Variants in SIM2 observed in about 807,000 individuals in gnomAD.
SIM2 encodes the protein single-minded homolog 2.
SIM2 carries 28 observed loss-of-function variants against 64.8 expected under a neutral mutation model. That is an observed-to-expected ratio of 0.43 (90% CI 0.32 to 0.59). The LOEUF is 0.59. Ranked by LOEUF, SIM2 falls within the 20% of genes least tolerant of loss-of-function variation. The probability of loss-of-function intolerance (pLI) is 0.07; values close to 1 mark genes in which losing one functional copy is unlikely to be tolerated. For missense variants in SIM2, 847 were observed against 871.4 expected (o/e 0.97, Z 0.35); for synonymous variants, 408 against 391.1 (o/e 1.04, Z -0.51).
At chr21:36,705,179 G>A (rs1212175852) in intron 1 of SIM2, among the ~76,000 whole-genome samples, 1 of 152,218 alleles carries the variant, frequency 6.6e-6, no homozygotes, top group Non-Finnish European at 1.5e-5. Flanking sequence ...TAAACGCCGA[G>A]GTCGGGGGTG....
Position 36,749,350 on chromosome 21 carries a change from C to T in SIM2, c.*1258C>T, listed in dbSNP as rs1202467223. 6.6e-6 allele frequency: 1 copy of T among 152,360 alleles called. No individual in the cohort carries two copies. The allele number at this position is 152,360 out of a possible 1,614,324, so 9.4% of individuals were successfully genotyped here. On this transcript the variant is annotated 3_prime_UTR_variant, in exon 11 of 11. Coordinates refer to ENST00000290399, the MANE Select transcript of SIM2 (RefSeq NM_005069.6). ...AATGGTTTATTTTAGGAAACTTTTT[C>T]CACCTTTCTGAATGGAAAGAGGTTT...
chr21:36,705,495 G>C (rs1219185465), intron 1 of SIM2, among the ~76,000 whole-genome samples: 1 of 152,248 alleles, frequency 6.6e-6, no homozygotes. Flanking sequence ...GCCAGAGAGG[G>C]AGGCACAAAG....
chr21:36,731,132 C>T lies in SIM2; in HGVS notation c.831C>T (p.Leu277=). Residue 277 remains leucine (L), a synonymous_variant, in exon 7 of 11, where the codon CTC becomes CTT. Transcript: ENST00000290399. Reference sequence around the variant, plus strand: ...TGCACGGCTGCGACGTGTTCCACCTCCGCTACGCACACCACCTCCGTGAGT... The same window carrying T: ...TGCACGGCTGCGACGTGTTCCACCTTCGCTACGCACACCACCTCCGTGAGT... ...HHVHGCDVFH[L]RYAHHLLLVK... 6.2e-7 allele frequency: 1 copy of T among 1,613,866 alleles called. No individual in the cohort carries two copies. Among genetic ancestry groups the T allele is most frequent in the Admixed American group, 1.7e-5 (1 of 60,028 alleles).
intron 1 of SIM2, among the ~76,000 whole-genome samples, chr21:36,708,965 C>T: frequency 6.6e-6 from 1 of 152,072 alleles, no homozygotes; most frequent in East Asian, 1.9e-4. Context: ...GGGATTTCTC[C>T]CCCAGCCTTT....
intron 1 of SIM2, 112 bp downstream of exon 1, chr21:36,700,033 C>A: frequency 1.7e-6 from 2 of 1,152,342 alleles, no homozygotes; most frequent in African/African-American, 1.6e-5. Flanking sequence ...GCGTCCAGAG[C>A]TGGGGCGTCT....
At chr21:36,736,346 G>A (rs1732255000) in intron 7 of SIM2, among the ~76,000 whole-genome samples, 1 of 152,154 alleles carries the variant, frequency 6.6e-6, no homozygotes, top group Admixed American at 6.5e-5. Flanking sequence ...GAACCTCTGG[G>A]GTCAGTGCCA....
At chr21:36,719,279 C>T (rs982453045) in intron 3 of SIM2, among the ~76,000 whole-genome samples, 8 of 152,388 alleles carry the variant, frequency 5.2e-5, no homozygotes, top group Admixed American at 2.0e-4. Flanking sequence ...TCAGAGTCGA[C>T]GAAGAAAGGG....
intron 6 of SIM2, among the ~76,000 whole-genome samples, chr21:36,730,694 G>A (rs1360766730): frequency 1.3e-5 from 2 of 152,196 alleles, no homozygotes; most frequent in East Asian, 3.8e-4. Context: ...CCCTCCAAGA[G>A]TGGGTTCTTT....
At chr21:36,728,256 G>A (rs374451111) in intron 6 of SIM2, among the ~76,000 whole-genome samples, 47 of 152,262 alleles carry the variant, frequency 3.1e-4, no homozygotes, top group Admixed American at 2.4e-3. Flanking sequence ...CCCTTGTTTC[G>A]TCTCCTAGTT....
intron 8 of SIM2, 55 bp from the exon 9 acceptor site, chr21:36,743,332 G>T: frequency 6.5e-7 from 1 of 1,529,878 alleles, no homozygotes; most frequent in Non-Finnish European, 8.8e-7. Context: ...GGCCAGGGAA[G>T]CTGCTCGGCC....
intron 1 of SIM2, among the ~76,000 whole-genome samples, chr21:36,700,153 G>A (rs547773649): frequency 6.6e-6 from 1 of 152,208 alleles, no homozygotes; most frequent in Non-Finnish European, 1.5e-5. Flanking sequence ...CTGGGTGAGG[G>A]CGAATTACGA....
rs2088692004 is a variant in SIM2 at position 36,712,585 on chromosome 21, T to C, written c.311T>C (p.Ile104Thr). 1.2e-6 allele frequency: 2 copies of C among 1,613,684 alleles called. No homozygotes were observed. The highest frequency in any genetic ancestry group is 2.2e-5 in the South Asian group (2 of 91,030). ...GCATCTGATGGCAAAATCATGTATA[T>C]ATCCGAGACCGCTTCTGTCCATTTA... Reference protein sequence around the residue: ...VVASDGKIMYISETASVHLGL... With the variant: ...VVASDGKIMYTSETASVHLGL... Residue 104 changes from isoleucine to threonine, a missense_variant, in exon 3 of 11, where the codon ATA becomes ACA. Transcript: ENST00000290399.
chr21:36,736,882 T>C (rs2089064936), intron 7 of SIM2, among the ~76,000 whole-genome samples: 2 of 151,586 alleles, frequency 1.3e-5, no homozygotes, highest in Admixed American at 1.3e-4. Context: ...CTTTCTTCCT[T>C]CCTTTTCTTT....
intron 4 of SIM2, among the ~76,000 whole-genome samples, chr21:36,721,603 G>A (rs2088823347): frequency 1.3e-5 from 2 of 152,118 alleles, no homozygotes; most frequent in South Asian, 4.2e-4. Context: ...ACCACGCCTG[G>A]CTAATTTTTT....
intron 7 of SIM2, among the ~76,000 whole-genome samples, chr21:36,735,113 A>AGG (rs2089024966): frequency 6.6e-6 from 1 of 152,126 alleles, no homozygotes; most frequent in Non-Finnish European, 1.5e-5. Context: ...CATCAAGCAG[A>AGG]GGGGAGAGTG....
intron 7 of SIM2, among the ~76,000 whole-genome samples, chr21:36,732,698 T>C (rs767086954): frequency 2.6e-5 from 4 of 152,244 alleles, no homozygotes; most frequent in Admixed American, 6.5e-5. Flanking sequence ...TAACCATCTC[T>C]GTCATTCTGG....
At position 36,741,739 on chromosome 21, in the gene SIM2, C is replaced by T; in HGVS notation, c.873C>T (p.Thr291=). 6.2e-7 allele frequency: 1 copy of T among 1,613,388 alleles called. No homozygotes were observed. The highest frequency in any genetic ancestry group is 8.5e-7 in the Non-Finnish European group (1 of 1,179,982). ...HHLLLVKGQV[T]TKYYRLLSKR... is the part of the protein sequence containing the mutation. ...CAGTGTTGGTGAAGGGCCAGGTCAC[C>T]ACCAAGTACTACCGGCTGCTGTCCA... Residue 291 remains threonine (T), a synonymous_variant, in exon 8 of 11, where the codon ACC becomes ACT. Transcript: ENST00000290399.
intron 1 of SIM2, among the ~76,000 whole-genome samples, chr21:36,701,069 G>T (rs1309462014): frequency 1.3e-5 from 2 of 152,206 alleles, no homozygotes; most frequent in Non-Finnish European, 2.9e-5. Flanking sequence ...CAGCGGGGTC[G>T]CTGCGGCCTG....
rs1041505740 is a variant in SIM2, at chr21:36,749,633, A to G, written c.*1541A>G. ...CCCGCCTCTCCACGCACTCAGCTAT[A>G]CCTCATTCACAGCTCCTTGTGAGTG... is the stretch of plus-strand genomic sequence containing the variant. On this transcript the variant is annotated 3_prime_UTR_variant, in exon 11 of 11. Transcript: ENST00000290399. 1 of 152,162 alleles carries G rather than the reference A, an allele frequency of 6.6e-6. No individual in the cohort carries two copies. The highest frequency in any genetic ancestry group is 1.5e-5 in the Non-Finnish European group (1 of 68,018). The allele number at this position is 152,162 out of a possible 1,614,324, so 9.4% of individuals were successfully genotyped here. A position where few individuals can be genotyped will look rare whatever the true frequency, so the allele number is the denominator to read the frequency against.
Sources: gnomAD v4.1 joint callset for allele counts (sites outside exome capture counted in the v4.1 genomes callset) on GRCh38, gnomAD v4.1.1 for gene constraint, MANE v1.5 for transcripts, NCBI Gene and HGNC (gene_info 2026-07-23, HGNC 2026-07-21) for gene names.